Variants in RBM11 observed in about 807,000 individuals in gnomAD.
RBM11 encodes splicing regulator RBM11.
A neutral mutation model predicts 21.4 loss-of-function variants in RBM11; 18 were observed. The ratio of observed to expected loss-of-function variants is 0.84; its 90% CI spans 0.58 to 1.25. The LOEUF (loss-of-function observed/expected upper bound fraction) is 1.25, where lower values mean the gene tolerates loss of function less well. RBM11 is among the 50% of genes most tolerant of loss of function. The pLI, the probability that RBM11 is intolerant of heterozygous loss-of-function variation, is 0.00. For synonymous variants in RBM11, 120 were observed against 116.3 expected (o/e 1.03, Z -0.20); for missense variants, 294 against 331.9 (o/e 0.89, Z 0.89).
chr21:14,220,954 C>T (rs1978614640), intron 2 of RBM11, 143 bp from the exon 3 acceptor site: 2 of 661,882 alleles, frequency 3.0e-6, no homozygotes, highest in Non-Finnish European at 2.4e-6. Context: ...TTTGAGAGGT[C>T]AGATATGCAT....
In RBM11 at chr21:14,227,813, T is replaced by G. The variant is rs1979241123; in HGVS notation, c.*520T>G. Reference sequence around the variant, plus strand: ...CTAAATATGTTGTTTCTGAGCCATATTCTTCTTCAGGTTTATTTTATAAAG... The same window carrying G: ...CTAAATATGTTGTTTCTGAGCCATAGTCTTCTTCAGGTTTATTTTATAAAG... On this transcript the variant is annotated 3_prime_UTR_variant, in exon 5 of 5. Coordinates refer to ENST00000400577, the MANE Select transcript of RBM11 (RefSeq NM_144770.5). The G allele has an allele frequency of 6.5e-6, 1 of 152,974 alleles. No homozygotes were observed. Among genetic ancestry groups the G allele is most frequent in the Non-Finnish European group, 1.5e-5 (1 of 68,640 alleles). The allele number at this position is 152,974 out of a possible 1,614,324, so 9.5% of individuals were successfully genotyped here.
At position 14,227,344 on chromosome 21, in the gene RBM11, A is replaced by G. The variant is rs1979193833; in HGVS notation, c.*51A>G. The G allele has an allele frequency of 5.3e-6, 8 of 1,501,532 alleles. No individual in the cohort carries two copies. In the South Asian group the frequency reaches 1.1e-4, roughly 20 times the overall value. The allele number at this position is 1,501,532 out of a possible 1,614,324, so 93.0% of individuals were successfully genotyped here. On this transcript the variant is annotated 3_prime_UTR_variant, in exon 5 of 5. Transcript: ENST00000400577. ...ACACTGATCTTAGTTCTCTTATGAAAAAAATAAGATGTTATCCCATCAAAT... is the reference window on the plus strand; with the variant it reads ...ACACTGATCTTAGTTCTCTTATGAAGAAAATAAGATGTTATCCCATCAAAT...
At chr21:14,216,910 T>C (rs1480258061) in intron 1 of RBM11, among the ~76,000 whole-genome samples, 1 of 152,138 alleles carries the variant, frequency 6.6e-6, no homozygotes, top group East Asian at 1.9e-4. Context: ...TATTGTCCTA[T>C]ACAGCTAGGT....
Position 14,219,684 on chromosome 21 carries a change from T to C in RBM11, c.218T>C (p.Ile73Thr), listed in dbSNP as rs1978494226. ...TATGCCATAGCTTTGCTGAATGGAA[T>C]TCGTTTATATGGAAGACCAATTAAC... ...VSYAIALLNG[I>T]RLYGRPINVQ... The change falls in exon 2 of 5, where the codon ATT (isoleucine) becomes ACT (threonine). Residue 73 changes from isoleucine (I) to threonine (T), a missense_variant. Physicochemically the swap from Ile to Thr is moderately conservative, Grantham distance 89. Around this residue, in one of 2 missense-constraint regions of RBM11, gnomAD observed 181 missense variants for 164.6 expected, o/e 1.10. Coordinates refer to ENST00000400577, the MANE Select transcript of RBM11 (RefSeq NM_144770.5). 1 of 1,606,906 alleles carries C rather than the reference T, an allele frequency of 6.2e-7. No individual in the cohort carries two copies. The highest frequency in any genetic ancestry group is 1.3e-5 in the African/African-American group (1 of 74,796).
intron 1 of RBM11, among the ~76,000 whole-genome samples, chr21:14,217,358 A>G (rs558531580): frequency 2.1e-3 from 316 of 152,324 alleles, no homozygotes; most frequent in Non-Finnish European, 3.6e-3. Flanking sequence ...AAGAGAAATC[A>G]ATAGTTACTT....
chr21:14,221,251 T>G, intron 3 of RBM11, 82 bp downstream of exon 3: 1 of 1,400,920 alleles, frequency 7.1e-7, no homozygotes, highest in South Asian at 1.6e-5. Flanking sequence ...TTTGGGCTAT[T>G]GTAAAACCTT....
rs1387293819 is a variant in RBM11 at position 14,228,007 on chromosome 21, C to G, written c.*714C>G. 2 of 152,128 alleles carry G rather than the reference C, an allele frequency of 1.3e-5. No homozygotes were observed. The highest frequency in any genetic ancestry group is 6.5e-5 in the Admixed American group (1 of 15,268). 9.4% of individuals were successfully genotyped at this position (152,128 alleles called of 1,614,324 possible). ...CTATGTCAGTGTGTATTATTCACCT[C>G]TTTTGCTAGCAAGGTTTGAGATGCT... On this transcript the variant is annotated 3_prime_UTR_variant, in exon 5 of 5. Transcript: ENST00000400577.
At chr21:14,226,845 A>T in intron 4 of RBM11, 35 bp from the exon 5 acceptor site, 1 of 1,566,960 alleles carries the variant, frequency 6.4e-7, no homozygotes, top group Non-Finnish European at 8.6e-7. Flanking sequence ...AACCTTTTGG[A>T]TTTGTTTTGG....
intron 4 of RBM11, 56 bp downstream of exon 4, chr21:14,224,593 AT>A: frequency 6.7e-7 from 1 of 1,499,904 alleles, no homozygotes; most frequent in Non-Finnish European, 8.9e-7. Context: ...TATGAAGAAC[AT>A]AAAGGCTATT....
At chr21:14,218,069 C>T (rs2123388316) in intron 1 of RBM11, among the ~76,000 whole-genome samples, 1 of 152,224 alleles carries the variant, frequency 6.6e-6, no homozygotes, top group East Asian at 1.9e-4. Context: ...CCACTTTAGA[C>T]TTCAACACCC....
rs1979083193 is a variant in RBM11 at position 14,226,392 on chromosome 21, G to A, written c.433-488G>A. On this transcript the variant is annotated intron_variant, in intron 4 of 4. Coordinates refer to ENST00000400577, the MANE Select transcript of RBM11 (RefSeq NM_144770.5). ...CCAGAGCTTTAGGAGGCTGAGGCGG[G>A]TGGGTCACCTGAGGTCAGGAGATCG... Among the ~76,000 whole-genome samples, 3 of 152,112 alleles carry A rather than the reference G, an allele frequency of 2.0e-5. No individual in the cohort carries two copies. The South Asian group carries it at 6.2e-4, about 32-fold the overall frequency.
intron 3 of RBM11, among the ~76,000 whole-genome samples, chr21:14,222,226 A>T (rs961252109): frequency 3.3e-5 from 5 of 151,982 alleles, no homozygotes; most frequent in African/African-American, 1.2e-4. Context: ...ATAGATAGAG[A>T]TCTATATCTA....
chr21:14,219,758 T>G, intron 2 of RBM11, 33 bp downstream of exon 2: 1 of 1,531,386 alleles, frequency 6.5e-7, no homozygotes, highest in Non-Finnish European at 8.9e-7. Flanking sequence ...CTTCAAAGTG[T>G]TTTGTGGTTG....
rs1378506591 is a variant in RBM11 at position 14,221,163 on chromosome 21, A to G, written c.326A>G (p.Asn109Ser). The G allele has an allele frequency of 1.3e-6, 2 of 1,556,752 alleles. No individual in the cohort carries two copies. Among genetic ancestry groups the G allele is most frequent in the Admixed American group, 4.0e-5 (2 of 50,534 alleles). ...AGCTGTGTTAAGATAAATTCACACA[A>G]CTACAGGTAATTTTAAAAATATTTC... ...FESCVKINSH[N>S]YRNEEMLVGR... Residue 109 changes from asparagine to serine, a missense_variant, in exon 3 of 5, where the codon AAC (asparagine) becomes AGC (serine). Asn to Ser is a conservative substitution (Grantham distance 46, BLOSUM62 1). Coordinates refer to ENST00000400577, the MANE Select transcript of RBM11 (RefSeq NM_144770.5).
chr21:14,223,371 T>A (rs767824379), intron 3 of RBM11, among the ~76,000 whole-genome samples: 3 of 152,212 alleles, frequency 2.0e-5, no homozygotes, highest in Admixed American at 6.5e-5. Context: ...CTGCTTTTAA[T>A]GAATATTCCC....
intron 2 of RBM11, among the ~76,000 whole-genome samples, chr21:14,220,294 G>T (rs1185465104): frequency 6.6e-6 from 1 of 152,112 alleles, no homozygotes; most frequent in African/African-American, 2.4e-5. Context: ...CGCATATCAG[G>T]AACAGATCAT....
chr21:14,226,908 A>T lies in RBM11; in HGVS notation c.461A>T (p.Gln154Leu). Residue 154 changes from glutamine to leucine, a missense_variant, in exon 5 of 5, where the codon CAG becomes CTG. Transcript: ENST00000400577. The part of the protein sequence containing the change: ...MQWHVYNPVL[Q>L]LPYYEMTAPL... ...TGGCATGTGTATAATCCAGTGCTGC[A>T]GCTTCCTTACTATGAAATGACAGCT... is the stretch of plus-strand genomic sequence containing the variant. The T allele has an allele frequency of 1.2e-6, 2 of 1,613,702 alleles. No individual in the cohort carries two copies. The highest frequency in any genetic ancestry group is 1.7e-6 in the Non-Finnish European group (2 of 1,179,714).
rs1600969850 is a variant in RBM11, at chr21:14,227,584, T to G, written c.*291T>G. ...TGATGAAATTTCACCAAACTATTAA[T>G]CAAAAGTCACTTATTGAACACATTG... On this transcript the variant is annotated 3_prime_UTR_variant, in exon 5 of 5. Coordinates refer to ENST00000400577, the MANE Select transcript of RBM11 (RefSeq NM_144770.5). 2 of 352,508 alleles carry G rather than the reference T, an allele frequency of 5.7e-6. No individual in the cohort carries two copies. The highest frequency in any genetic ancestry group is 9.2e-5 in the Admixed American group (2 of 21,846). The allele number at this position is 352,508 out of a possible 1,614,324, so 21.8% of individuals were successfully genotyped here.
rs917587408 is a variant in RBM11 at position 14,228,276 on chromosome 21, C to G, written c.*983C>G. The stretch of plus-strand genomic sequence containing the variant: ...TCAGTTGGGAATTAACCACTCAATT[C>G]AATAGTAAAAGCCATGCTTGGATGT... On this transcript the variant is annotated 3_prime_UTR_variant, in exon 5 of 5. Coordinates refer to ENST00000400577, the MANE Select transcript of RBM11 (RefSeq NM_144770.5). 3 of 151,958 alleles carry G rather than the reference C, an allele frequency of 2.0e-5. No individual in the cohort carries two copies. The highest frequency in any genetic ancestry group is 4.4e-5 in the Non-Finnish European group (3 of 67,986). 9.4% of individuals were successfully genotyped at this position (151,958 alleles called of 1,614,324 possible). A position where few individuals can be genotyped will look rare whatever the true frequency, so the allele number is the denominator to read the frequency against.
Sources: allele counts gnomAD v4.1 joint callset (sites outside exome capture counted in the v4.1 genomes callset), GRCh38; gene constraint gnomAD v4.1.1; regional missense constraint gnomAD v4.1.1; transcripts MANE v1.5; gene names NCBI Gene and HGNC (gene_info 2026-07-23, HGNC 2026-07-21).